The following GRIK2 variants were observed in gnomAD, a reference collection of about 807,000 sequenced individuals.
The protein encoded by GRIK2 is glutamate receptor ionotropic, kainate 2.
GRIK2 carries 32 observed loss-of-function variants against 100.3 expected under a neutral mutation model. That is an observed-to-expected ratio of 0.32 (90% CI 0.24 to 0.43). The LOEUF (loss-of-function observed/expected upper bound fraction) is 0.43. Among genes scored for constraint, GRIK2 ranks in the 20% least tolerant of loss-of-function variants. The probability of loss-of-function intolerance (pLI) is 1.00; values close to 1 mark genes in which losing one functional copy is unlikely to be tolerated. For synonymous variants in GRIK2, 417 were observed against 389.4 expected (o/e 1.07, Z -0.83); for missense variants, 843 against 1,114.9 (o/e 0.76, Z 3.47).
chr6:101,689,221 C>G (rs528652877), intron 7 of GRIK2, among the ~76,000 whole-genome samples: 5 of 151,940 alleles, frequency 3.3e-5, no homozygotes, highest in Admixed American at 3.3e-4. Context: ...GCAACATTCC[C>G]TTCAGTCAAT....
At chr6:101,921,276 A>G (rs1295190817) in intron 12 of GRIK2, among the ~76,000 whole-genome samples, 1 of 38,570 alleles carries the variant, frequency 2.6e-5, no homozygotes, top group East Asian at 1.7e-3. Flanking sequence ...ATGTAATAAA[A>G]GAAAAATTAG....
chr6:101,646,308 A>G (rs1364666724), intron 4 of GRIK2, among the ~76,000 whole-genome samples: 1 of 151,938 alleles, frequency 6.6e-6, no homozygotes, highest in African/African-American at 2.4e-5. Context: ...AAGTTTTTGT[A>G]TCTTCTTGAT....
At chr6:101,481,932 C>A (rs1772553398) in intron 2 of GRIK2, among the ~76,000 whole-genome samples, 1 of 152,106 alleles carries the variant, frequency 6.6e-6, no homozygotes, top group African/African-American at 2.4e-5. Context: ...TTGATAGTTC[C>A]TTCTGCGTTC....
At chr6:101,557,368 T>A (rs906723744) in intron 2 of GRIK2, among the ~76,000 whole-genome samples, 5 of 152,170 alleles carry the variant, frequency 3.3e-5, no homozygotes, top group Admixed American at 2.0e-4. Flanking sequence ...GGGCAATTTT[T>A]AAAAAATATC....
intron 4 of GRIK2, among the ~76,000 whole-genome samples, chr6:101,639,889 T>G (rs576636893): frequency 6.6e-6 from 1 of 152,244 alleles, no homozygotes; most frequent in South Asian, 2.1e-4. Flanking sequence ...AACAAATAAT[T>G]TTTTTGCATG....
intron 7 of GRIK2, among the ~76,000 whole-genome samples, chr6:101,762,724 GT>G (rs1033909333): frequency 2.0e-5 from 3 of 152,090 alleles, no homozygotes; most frequent in African/African-American, 7.2e-5. Context: ...AGGATTTGAA[GT>G]TTTTTTCTAA....
chr6:101,940,000 G>A (rs1220888590), intron 14 of GRIK2, among the ~76,000 whole-genome samples: 1 of 152,088 alleles, frequency 6.6e-6, no homozygotes, highest in East Asian at 1.9e-4. Flanking sequence ...TATGATGAGA[G>A]TTGTGTTGAA....
chr6:102,048,247 G>T (rs966171963), intron 15 of GRIK2, among the ~76,000 whole-genome samples: 1 of 151,878 alleles, frequency 6.6e-6, no homozygotes, highest in Admixed American at 6.6e-5. Flanking sequence ...GTCAGAAATT[G>T]TAGAAGTACT....
At chr6:101,669,455 A>T (rs1007193452) in intron 4 of GRIK2, among the ~76,000 whole-genome samples, 1 of 152,124 alleles carries the variant, frequency 6.6e-6, no homozygotes, top group Non-Finnish European at 1.5e-5. Context: ...ATTTTGAGAG[A>T]CTTATTTTTT....
At chr6:101,557,255 C>A (rs1582710173) in intron 2 of GRIK2, among the ~76,000 whole-genome samples, 6 of 152,030 alleles carry the variant, frequency 3.9e-5, no homozygotes, top group Admixed American at 3.9e-4. Flanking sequence ...ATTCAAGTAC[C>A]ACGAAAATAA....
chr6:101,833,894 T>C (rs1263733564), intron 10 of GRIK2, among the ~76,000 whole-genome samples: 1 of 152,132 alleles, frequency 6.6e-6, no homozygotes, highest in Non-Finnish European at 1.5e-5. Flanking sequence ...TTCATTTAAA[T>C]GAAGATGAAC....
intron 7 of GRIK2, among the ~76,000 whole-genome samples, chr6:101,768,870 C>A (rs1703603671): frequency 1.3e-5 from 2 of 152,132 alleles, no homozygotes; most frequent in Admixed American, 1.3e-4. Context: ...AAAGTGCCTA[C>A]TGCAGTGCCA....
chr6:101,541,377 CACACACACACA>C (rs767747083), intron 2 of GRIK2, among the ~76,000 whole-genome samples: 48,050 of 145,146 alleles, frequency 0.33, 8,874 homozygotes, highest in Middle Eastern at 0.44. Flanking sequence ...CGCACACAAC[CACACACACACA>C]CACACACACA....
chr6:102,031,662 T>G (rs553830082), intron 14 of GRIK2, among the ~76,000 whole-genome samples: 1 of 151,322 alleles, frequency 6.6e-6, no homozygotes, highest in African/African-American at 2.4e-5. Flanking sequence ...TTGCTATCTT[T>G]ATGTCCGTGA....
chr6:101,717,578 A>G (rs964423993), intron 7 of GRIK2, among the ~76,000 whole-genome samples: 1 of 151,826 alleles, frequency 6.6e-6, no homozygotes, highest in Non-Finnish European at 1.5e-5. Context: ...TTGCCATTAT[A>G]TATATTTAGT....
chr6:101,394,203 C>T (rs1428426446), intron 1 of GRIK2, among the ~76,000 whole-genome samples: 1 of 152,140 alleles, frequency 6.6e-6, no homozygotes, highest in East Asian at 1.9e-4. Flanking sequence ...GTGTGGCTGC[C>T]GGCGGGTCTG....
intron 11 of GRIK2, among the ~76,000 whole-genome samples, chr6:101,869,554 C>G (rs1002874970): frequency 2.0e-5 from 3 of 151,778 alleles, no homozygotes; most frequent in Admixed American, 1.3e-4. Flanking sequence ...GTCATCTGAT[C>G]AAGTCTTTTG....
At chr6:101,774,005 T>G (rs186483386) in intron 7 of GRIK2, among the ~76,000 whole-genome samples, 2 of 152,334 alleles carry the variant, frequency 1.3e-5, no homozygotes, top group Non-Finnish European at 1.5e-5. Context: ...TGTTTGCATA[T>G]GTATTGTTTC....
At chr6:102,003,886 T>C (rs1295733453) in intron 14 of GRIK2, among the ~76,000 whole-genome samples, 3 of 151,730 alleles carry the variant, frequency 2.0e-5, no homozygotes, top group East Asian at 3.9e-4. Flanking sequence ...TGCTTAGCAG[T>C]CTGAAAACTT....
Sources: allele counts gnomAD v4.1 joint callset (sites outside exome capture counted in the v4.1 genomes callset), GRCh38; gene constraint gnomAD v4.1.1; transcripts MANE v1.5; gene names NCBI Gene and HGNC (gene_info 2026-07-23, HGNC 2026-07-21).